Variants in MTMR4 observed in about 807,000 individuals in gnomAD.
MTMR4 encodes phosphatidylinositol-3,5-bisphosphate 3-phosphatase MTMR4.
A neutral mutation model predicts 125.5 loss-of-function variants in MTMR4; 30 were observed. That is an observed-to-expected ratio of 0.24 (90% confidence interval 0.18 to 0.32). The LOEUF is 0.32. MTMR4 is among the 10% of genes least tolerant of loss of function. MTMR4 has a pLI of 1.00. For missense variants in MTMR4, 1,039 were observed against 1,511.5 expected (o/e 0.69, Z 5.18); for synonymous variants, 498 against 564.5 (o/e 0.88, Z 1.67).
At chr17:58,494,093 T>G (rs1004754762) in intron 15 of MTMR4, among the ~76,000 whole-genome samples, 2 of 151,758 alleles carry the variant, frequency 1.3e-5, no homozygotes, top group Non-Finnish European at 2.9e-5. Flanking sequence ...GGTGGGCGGA[T>G]CATGAGGTCA....
At position 58,508,194 on chromosome 17, in the gene MTMR4, C is replaced by T; in HGVS notation, c.674G>A (p.Arg225His). The T allele has an allele frequency of 6.2e-7, 1 of 1,613,842 alleles. No homozygotes were observed. The highest frequency in any genetic ancestry group is 8.5e-7 in the Non-Finnish European group (1 of 1,179,992). The change falls in exon 7 of 18, where the codon CGC becomes CAC. Residue 225 changes from arginine (R) to histidine (H), a missense_variant. Physicochemically the swap from Arg to His is conservative, Grantham distance 29. Around this residue, in one of 6 missense-constraint regions of MTMR4, gnomAD observed 202 missense variants for 311.9 expected, o/e 0.65. Coordinates refer to ENST00000682306, the MANE Select transcript of MTMR4 (RefSeq NM_001378067.1). This position sits in a 1 kb window ranked among gnomAD's most constrained non-coding sequence, Gnocchi z 4.8. ...AACCACGGGAATCCGCTTCCAGGAG[C>T]GGAAGGAAGCCACGTTCTCCAGCTC... ...DKELENVASF[R>H]SWKRIPVVVY...
chr17:58,499,253 A>C (rs984848329), intron 14 of MTMR4, among the ~76,000 whole-genome samples: 1 of 151,770 alleles, frequency 6.6e-6, no homozygotes, highest in African/African-American at 2.4e-5. Flanking sequence ...AAAAAAAAAA[A>C]AACTACCTCT....
At chr17:58,516,589 G>C (rs758206312), upstream of MTMR4, 5 of 1,614,128 alleles carry the variant, frequency 3.1e-6, no homozygotes, top group South Asian at 5.5e-5. Flanking sequence ...CCATTCTACC[G>C]TGGCAAGGGT....
At chr17:58,498,646 C>T (rs1179495064) in intron 14 of MTMR4, among the ~76,000 whole-genome samples, 5 of 151,524 alleles carry the variant, frequency 3.3e-5, no homozygotes, top group African/African-American at 9.7e-5. Flanking sequence ...TCAGTTGTTA[C>T]AGAGACCATT....
rs143047217 is a variant in MTMR4 at position 58,512,840 on chromosome 17, A to G, written c.135+12T>C. On this transcript the variant is annotated intron_variant, in intron 2 of 17. Coordinates refer to ENST00000682306, the MANE Select transcript of MTMR4 (RefSeq NM_001378067.1). The surrounding 1 kb of genome is among the most constrained non-coding windows in gnomAD (Gnocchi z 4.1). ...GGAGCCCCATCTATCCTGGCCCCCA[A>G]CTCCTCCTTACCTGAAGATTCTCTT... The G allele has an allele frequency of 5.4e-3, 8,706 of 1,610,064 alleles. 39 individuals are homozygous for G. Among genetic ancestry groups the G allele is most frequent in the African/African-American group, 9.1e-3 (680 of 74,662 alleles).
upstream of MTMR4, among the ~76,000 whole-genome samples, chr17:58,515,308 G>C (rs985262218): frequency 6.6e-6 from 1 of 152,320 alleles, no homozygotes; most frequent in Admixed American, 6.5e-5. Flanking sequence ...AGAGAGTTGG[G>C]TAGAGGGCCA....
In MTMR4 at chr17:58,492,910, C is replaced by G; in HGVS notation, c.3295G>C (p.Gly1099Arg). 3 of 1,614,220 alleles carry G rather than the reference C, an allele frequency of 1.9e-6. No individual in the cohort carries two copies. Among genetic ancestry groups the G allele is most frequent in the Non-Finnish European group, 2.5e-6 (3 of 1,180,038 alleles). ...AGGCAGTCTTCACTGTGATCAGAGC[C>G]AAAATCCTCAGTATCACTGCCATCT... ...ESDGSDTEDF[G>R]SDHSEDCLSE... The change falls in exon 16 of 18, where the codon GGC (glycine) becomes CGC (arginine). Residue 1099 changes from glycine (G) to arginine (R), a missense_variant. Transcript: ENST00000682306.
rs939606410 is a variant in MTMR4, at chr17:58,490,159, T to C, written c.*1504A>G. On this transcript the variant is annotated 3_prime_UTR_variant, in exon 18 of 18. Transcript: ENST00000682306. ...GTTCTAAATGCAGATCCTAGTTATT[T>C]TGGAATGAAATGCTGTTTTCTAGAA... The C allele has an allele frequency of 6.6e-6, 1 of 152,428 alleles. No homozygotes were observed. The highest frequency in any genetic ancestry group is 2.4e-5 in the African/African-American group (1 of 41,458). The allele number at this position is 152,428 out of a possible 1,614,324, so 9.4% of individuals were successfully genotyped here.
At position 58,495,280 on chromosome 17, in the gene MTMR4, A is replaced by G. The variant is rs767043719; in HGVS notation, c.2904T>C (p.Ala968=). 4 of 1,614,208 alleles carry G rather than the reference A, an allele frequency of 2.5e-6. No individual in the cohort carries two copies. The highest frequency in any genetic ancestry group is 3.4e-6 in the Non-Finnish European group (4 of 1,180,042). ...ATGPCFGGQW[A]QREGVKSPVC... is the part of the protein sequence containing the mutation. Reference sequence around the variant, plus strand: ...CAGGTGACTTCACACCTTCTCTCTGAGCCCACTGGCCCCCAAAGCAGGGCC... The same window carrying G: ...CAGGTGACTTCACACCTTCTCTCTGGGCCCACTGGCCCCCAAAGCAGGGCC... Residue 968 remains alanine (A), a synonymous_variant, in exon 15 of 18, where the codon GCT becomes GCC. Transcript: ENST00000682306.
chr17:58,506,790 G>A lies in MTMR4; in HGVS notation c.986C>T (p.Thr329Met). Reference protein sequence around the residue: ...KLLILDARSYTAAVANRAKGG... With the variant: ...KLLILDARSYMAAVANRAKGG... ...CTTGGCCCGGTTGGCCACTGCTGCC[G>A]TGTAGGATCGCGCATCCAGGATCAG... is the stretch of plus-strand genomic sequence containing the variant. The change falls in exon 9 of 18, where the codon ACG becomes ATG. Residue 329 changes from threonine (T) to methionine (M), a missense_variant. This residue lies in a region of MTMR4 where 107 missense variants were observed against 267.4 expected (regional missense o/e 0.40). Coordinates refer to ENST00000682306, the MANE Select transcript of MTMR4 (RefSeq NM_001378067.1). 1.2e-6 allele frequency: 2 copies of A among 1,614,018 alleles called. No individual in the cohort carries two copies. Among genetic ancestry groups the A allele is most frequent in the Non-Finnish European group, 8.5e-7 (1 of 1,180,026 alleles).
Position 58,507,303 on chromosome 17 carries a change from C to A in MTMR4, c.724G>T (p.Ala242Ser). The A allele has an allele frequency of 6.2e-7, 1 of 1,613,216 alleles. No individual in the cohort carries two copies. The highest frequency in any genetic ancestry group is 8.5e-7 in the Non-Finnish European group (1 of 1,179,934). The stretch of plus-strand genomic sequence containing the variant: ...GGCTGGCTGCAGCGGGCGATGGCAG[C>A]CCCATTGCGCAAGTGTCTGACAAAA... The part of the protein sequence containing the change: ...VVVYRHLRNG[A>S]AIARCSQPEI... The change falls in exon 8 of 18, where the codon GCT (alanine) becomes TCT (serine). Residue 242 changes from alanine (A) to serine (S), a missense_variant. Transcript: ENST00000682306.
intron 15 of MTMR4, 52 bp downstream of exon 15, chr17:58,494,880 G>T: frequency 2.6e-6 from 4 of 1,530,694 alleles, no homozygotes; most frequent in Non-Finnish European, 3.6e-6. Flanking sequence ...ATGGAGGGAA[G>T]GCTGGATGAA....
Position 58,495,296 on chromosome 17 carries a change from A to G in MTMR4, c.2888T>C (p.Phe963Ser). ...SKQMRATGPC[F>S]GGQWAQREGV... Reference sequence around the variant, plus strand: ...TTCTCTCTGAGCCCACTGGCCCCCAAAGCAGGGCCCTGTGGCCCGCATCTG... The same window carrying G: ...TTCTCTCTGAGCCCACTGGCCCCCAGAGCAGGGCCCTGTGGCCCGCATCTG... Residue 963 changes from phenylalanine (F) to serine (S), a missense_variant, in exon 15 of 18, where the codon TTT becomes TCT. Phe to Ser is a radical substitution (Grantham distance 155). Around this residue, in one of 6 missense-constraint regions of MTMR4, gnomAD observed 619 missense variants for 714.5 expected, o/e 0.87. Transcript: ENST00000682306. 1 of 1,614,210 alleles carries G rather than the reference A, an allele frequency of 6.2e-7. No homozygotes were observed. Among genetic ancestry groups the G allele is most frequent in the Non-Finnish European group, 8.5e-7 (1 of 1,180,034 alleles).
chr17:58,493,358 T>C (rs983360164), intron 15 of MTMR4, among the ~76,000 whole-genome samples: 5 of 152,240 alleles, frequency 3.3e-5, no homozygotes, highest in African/African-American at 4.8e-5. Context: ...TGGCTGCTTT[T>C]TGTTTTGTTT....
intron 14 of MTMR4, among the ~76,000 whole-genome samples, chr17:58,501,960 G>A (rs1317565499): frequency 6.6e-6 from 1 of 151,746 alleles, no homozygotes; most frequent in Non-Finnish European, 1.5e-5. Flanking sequence ...TCGAGAGGCT[G>A]GGGCAGGAGA....
chr17:58,508,016 A>G lies in MTMR4; in HGVS notation c.707+145T>C. 1 of 604,454 alleles carries G rather than the reference A, an allele frequency of 1.7e-6. No individual in the cohort carries two copies. Among genetic ancestry groups the G allele is most frequent in the Non-Finnish European group, 2.9e-6 (1 of 344,350 alleles). The allele number at this position is 604,454 out of a possible 1,614,324, so 37.4% of individuals were successfully genotyped here. On this transcript the variant is annotated intron_variant, in intron 7 of 17. Transcript: ENST00000682306. The surrounding 1 kb of genome is among the most constrained non-coding windows in gnomAD (Gnocchi z 4.8). ...AGCCTTATTCTTAGGAGAAAAAACT[A>G]AGATAGTTTTTGTTTTAAAGTTATT... is the stretch of plus-strand genomic sequence containing the variant.
chr17:58,502,519 T>TAAAA (rs5821237), intron 14 of MTMR4, among the ~76,000 whole-genome samples: 2 of 144,658 alleles, frequency 1.4e-5, no homozygotes, highest in Non-Finnish European at 3.0e-5. Context: ...CCTGTAATGA[T>TAAAA]AAAAAAAAAA....
At chr17:58,494,181 A>G (rs376024337) in intron 15 of MTMR4, among the ~76,000 whole-genome samples, 1 of 151,926 alleles carries the variant, frequency 6.6e-6, no homozygotes, top group Admixed American at 6.6e-5. Flanking sequence ...TTAGCTGGGC[A>G]TGGTGGCGGG....
chr17:58,511,414 C>T lies in MTMR4; in HGVS notation c.335+15G>A, dbSNP rs1285394393. ...CTAGGGCCAGGGGACCTGAGTGAGG[C>T]TCCGTTGTTCTCACCTCACCACTTT... On this transcript the variant is annotated intron_variant, in intron 4 of 17. Coordinates refer to ENST00000682306, the MANE Select transcript of MTMR4 (RefSeq NM_001378067.1). 6.9e-6 allele frequency: 11 copies of T among 1,602,590 alleles called. No homozygotes were observed. Among genetic ancestry groups the T allele is most frequent in the Non-Finnish European group, 9.4e-6 (11 of 1,173,362 alleles).
Sources: gnomAD v4.1 joint callset for allele counts (sites outside exome capture counted in the v4.1 genomes callset) on GRCh38, gnomAD v4.1.1 for gene constraint, gnomAD v4.1.1 regional missense constraint, Gnocchi (gnomAD v3.1) non-coding constraint, MANE v1.5 for transcripts, NCBI Gene and HGNC (gene_info 2026-07-23, HGNC 2026-07-21) for gene names.